Variants in CCNE1 observed in about 807,000 individuals in gnomAD.
The protein encoded by CCNE1 is cyclin E1, also known as G1/S-specific cyclin-E1.
Under a neutral mutation model 54.1 loss-of-function variants are expected in CCNE1, and 8 were observed. The observed-to-expected ratio is 0.15, with a 90% CI of 0.09 to 0.27. The LOEUF (loss-of-function observed/expected upper bound fraction) is 0.27. CCNE1 is among the 10% of genes least tolerant of loss of function. The pLI is 1.00. For synonymous variants in CCNE1, 179 were observed against 185.2 expected (o/e 0.97, Z 0.27); for missense variants, 430 against 514.9 (o/e 0.84, Z 1.60).
At position 29,822,474 on chromosome 19, in the gene CCNE1, T is replaced by C. The variant is rs1240184171; in HGVS notation, c.981T>C (p.Cys327=). Reference sequence around the variant, plus strand: ...ATCAGTGGTGCGACATAGAGAACTGTGTCAAGTGGATGGTTCCATTTGCCA... The same window carrying C: ...ATCAGTGGTGCGACATAGAGAACTGCGTCAAGTGGATGGTTCCATTTGCCA... The part of the protein sequence containing the change: ...SGYQWCDIEN[C]VKWMVPFAMV... The change falls in exon 11 of 12, where the codon TGT becomes TGC. Residue 327 remains cysteine, a synonymous_variant. Coordinates refer to ENST00000262643, the MANE Select transcript of CCNE1 (RefSeq NM_001238.4). The C allele has an allele frequency of 6.2e-7, 1 of 1,614,136 alleles. No homozygotes were observed. Among genetic ancestry groups the C allele is most frequent in the South Asian group, 1.1e-5 (1 of 91,076 alleles).
At chr19:29,821,138 C>G (rs1034199999) in intron 7 of CCNE1, among the ~76,000 whole-genome samples, 1 of 151,946 alleles carries the variant, frequency 6.6e-6, no homozygotes, top group South Asian at 2.1e-4. Context: ...GTGGCTCAAG[C>G]CTATAATCCC....
At chr19:29,816,629 A>G (rs1316454492) in intron 4 of CCNE1, among the ~76,000 whole-genome samples, 1 of 152,230 alleles carries the variant, frequency 6.6e-6, no homozygotes, top group Non-Finnish European at 1.5e-5. Context: ...CAAAAAGAAA[A>G]TGTCACATTT....
chr19:29,823,667 G>C lies in CCNE1; in HGVS notation c.1123G>C (p.Ala375Pro), dbSNP rs754580480. ...DSLDLLDKAR[A>P]KKAMLSEQNR... is the part of the protein sequence containing the mutation. ...TTCTTACCAACAGGACAAAGCCCGA[G>C]CAAAGAAAGCCATGTTGTCTGAACA... The change falls in exon 12 of 12, where the codon GCA becomes CCA. Residue 375 changes from alanine to proline, a missense_variant. Physicochemically the swap from Ala to Pro is conservative, Grantham distance 27. Around this residue, in one of 2 missense-constraint regions of CCNE1, gnomAD observed 303 missense variants for 401.1 expected, o/e 0.76. Coordinates refer to ENST00000262643, the MANE Select transcript of CCNE1 (RefSeq NM_001238.4). The C allele has an allele frequency of 6.2e-7, 1 of 1,614,026 alleles. No homozygotes were observed. The highest frequency in any genetic ancestry group is 1.1e-5 in the South Asian group (1 of 91,064).
chr19:29,815,979 AC>A, intron 4 of CCNE1, among the ~76,000 whole-genome samples: 1 of 151,422 alleles, frequency 6.6e-6, no homozygotes. Flanking sequence ...ACATGGCAAA[AC>A]CCCATCTCTA....
intron 4 of CCNE1, among the ~76,000 whole-genome samples, chr19:29,813,669 G>A (rs976072430): frequency 2.1e-5 from 3 of 144,102 alleles, no homozygotes; most frequent in African/African-American, 5.0e-5. Context: ...GATAGGTGGT[G>A]TCTCAATACA....
At chr19:29,815,710 C>A (rs1973999810) in intron 4 of CCNE1, among the ~76,000 whole-genome samples, 1 of 150,716 alleles carries the variant, frequency 6.6e-6, no homozygotes, top group Non-Finnish European at 1.5e-5. Flanking sequence ...CTCCCTGCAA[C>A]CTCCGCCTCC....
intron 6 of CCNE1, among the ~76,000 whole-genome samples, chr19:29,820,444 G>A (rs1005509444): frequency 2.0e-5 from 3 of 151,952 alleles, no homozygotes; most frequent in Non-Finnish European, 4.4e-5. Flanking sequence ...CCAGCTACTC[G>A]GGAGGCTGAA....
intron 7 of CCNE1, 25 bp downstream of exon 7, chr19:29,820,873 C>A: frequency 6.5e-7 from 1 of 1,540,908 alleles, no homozygotes; most frequent in Non-Finnish European, 8.9e-7. Context: ...AATATTTGTT[C>A]TATAATGTGT....
At chr19:29,813,621 GACCTCAGCAAGAGT>G (rs1404660873) in intron 4 of CCNE1, among the ~76,000 whole-genome samples, 1 of 152,198 alleles carries the variant, frequency 6.6e-6, no homozygotes, top group Non-Finnish European at 1.5e-5. Context: ...AGCTCAGCCT[GACCTCAGCAAGAGT>G]ATCAGTGGAA....
At chr19:29,820,925 C>T (rs1723929044) in intron 7 of CCNE1, 77 bp downstream of exon 7, 9 of 1,180,756 alleles carry the variant, frequency 7.6e-6, no homozygotes, top group South Asian at 1.3e-5. Flanking sequence ...AAGAGGTTGG[C>T]GCTTAGCCTA....
intron 4 of CCNE1, chr19:29,813,297 G>A (rs1221432740): frequency 3.8e-6 from 2 of 520,288 alleles, no homozygotes; most frequent in Non-Finnish European, 6.9e-6. Context: ...AACCAGAATG[G>A]ACATCACAGT....
chr19:29,817,659 T>C (rs1342443438), intron 6 of CCNE1, 118 bp downstream of exon 6: 1 of 1,085,574 alleles, frequency 9.2e-7, no homozygotes, highest in Non-Finnish European at 1.4e-6. Flanking sequence ...TGAAGCTATA[T>C]GGTATATTTT....
At position 29,817,145 on chromosome 19, in the gene CCNE1, C is replaced by T. The variant is rs374431756; in HGVS notation, c.189C>T (p.Asp63=). The T allele has an allele frequency of 1.9e-6, 3 of 1,613,954 alleles. No homozygotes were observed. In the East Asian group the frequency reaches 6.7e-5, roughly 36 times the overall value. Residue 63 remains aspartate (D), a synonymous_variant, in exon 5 of 12, where the codon GAC becomes GAT. Transcript: ENST00000262643. ...GTATTTTTCATTTACAGCCTTGGGA[C>T]AATAATGCAGTCTGTGCAGACCCCT... ...ARDQCGSQPW[D]NNAVCADPCS...
In CCNE1 at chr19:29,812,145, A is replaced by G. The variant is rs1973901636; in HGVS notation, c.-32A>G. ...TGGAGCGCGCCGTCCGCCGCGGACA[A>G]GACCCTGGTGAGTCTACTGCCGCGG... is the stretch of plus-strand genomic sequence containing the variant. On this transcript the variant is annotated 5_prime_UTR_variant, in exon 1 of 12. Transcript: ENST00000262643. 1 of 149,050 alleles carries G rather than the reference A, an allele frequency of 6.7e-6. No individual in the cohort carries two copies. The highest frequency in any genetic ancestry group is 1.5e-5 in the Non-Finnish European group (1 of 66,608). 9.2% of individuals were successfully genotyped at this position (149,050 alleles called of 1,614,324 possible).
At position 29,823,720 on chromosome 19, in the gene CCNE1, G is replaced by T. The variant is rs1974209583; in HGVS notation, c.1176G>T (p.Gly392=). The part of the protein sequence containing the change: ...EQNRASPLPS[G]LLTPPQSGKK... ...ATAGGGCTTCTCCTCTCCCCAGTGGGCTCCTCACCCCGCCACAGAGCGGTA... is the reference window on the plus strand; with the variant it reads ...ATAGGGCTTCTCCTCTCCCCAGTGGTCTCCTCACCCCGCCACAGAGCGGTA... Residue 392 remains glycine (G), a synonymous_variant, in exon 12 of 12, where the codon GGG becomes GGT. Transcript: ENST00000262643. The T allele has an allele frequency of 6.2e-7, 1 of 1,613,936 alleles. No individual in the cohort carries two copies. Among genetic ancestry groups the T allele is most frequent in the Non-Finnish European group, 8.5e-7 (1 of 1,179,996 alleles).
chr19:29,819,939 T>A (rs1036407031), intron 6 of CCNE1, among the ~76,000 whole-genome samples: 1 of 152,254 alleles, frequency 6.6e-6, no homozygotes, highest in South Asian at 2.1e-4. Context: ...CAGATAGTAC[T>A]GAGCTCTAGA....
chr19:29,812,638 G>A (rs1973918212), intron 2 of CCNE1, 51 bp from the exon 3 acceptor site: 3 of 1,553,692 alleles, frequency 1.9e-6, no homozygotes, highest in Non-Finnish European at 2.6e-6. Context: ...GTGGCGTGGG[G>A]GAGGGGCGGC....
chr19:29,813,450 G>T, intron 4 of CCNE1: 3 of 167,528 alleles, frequency 1.8e-5, no homozygotes, highest in South Asian at 1.8e-4. Flanking sequence ...GGGTTCCTGG[G>T]TGTTTATAAG....
chr19:29,821,392 AAAAAG>A (rs1477487527), intron 7 of CCNE1, among the ~76,000 whole-genome samples: 22 of 152,270 alleles, frequency 1.4e-4, no homozygotes, highest in Admixed American at 6.5e-5. Context: ...GTCTAAAAGA[AAAAAG>A]AAAAGATTAA....
Sources: allele counts gnomAD v4.1 joint callset (sites outside exome capture counted in the v4.1 genomes callset), GRCh38; gene constraint gnomAD v4.1.1; regional missense constraint gnomAD v4.1.1; transcripts MANE v1.5; gene names NCBI Gene and HGNC (gene_info 2026-07-23, HGNC 2026-07-21).